Variants in POU6F1 observed in about 807,000 individuals in gnomAD.
POU6F1 encodes POU domain, class 6, transcription factor 1.
A neutral mutation model predicts 28.9 loss-of-function variants in POU6F1; 9 were observed. The ratio of observed to expected loss-of-function variants is 0.31; its 90% CI spans 0.19 to 0.54. POU6F1 has a LOEUF of 0.54. Ranked by LOEUF, POU6F1 falls within the 20% of genes least tolerant of loss-of-function variation. POU6F1 has a pLI of 0.94. For missense variants in POU6F1, 338 were observed against 426.1 expected (o/e 0.79, Z 1.82); for synonymous variants, 173 against 171.1 (o/e 1.01, Z -0.09).
chr12:51,191,451 A>C lies in POU6F1; in HGVS notation c.1490+145T>G, dbSNP rs1942400228. The C allele has an allele frequency of 4.2e-6, 4 of 963,754 alleles. No homozygotes were observed. In the South Asian group the frequency reaches 6.9e-5, roughly 17 times the overall value. The allele number at this position is 963,754 out of a possible 1,614,324, so 59.7% of individuals were successfully genotyped here. The stretch of plus-strand genomic sequence containing the variant: ...TTGACTGCCCCAGGTGTTCATATCT[A>C]CCCTTAAGATGGTCTTCCTTATCTG... On this transcript the variant is annotated intron_variant, in intron 10 of 10. Coordinates refer to ENST00000333640, the MANE Select transcript of POU6F1 (RefSeq NM_001330422.2).
At chr12:51,191,002 G>C (rs1448394590) in intron 10 of POU6F1, among the ~76,000 whole-genome samples, 1 of 152,176 alleles carries the variant, frequency 6.6e-6, no homozygotes, top group Admixed American at 6.5e-5. Flanking sequence ...GCTGGATGTG[G>C]TGACAGGATT....
chr12:51,211,233 C>T (rs1420197308), intron 1 of POU6F1, among the ~76,000 whole-genome samples: 1 of 152,170 alleles, frequency 6.6e-6, no homozygotes, highest in Admixed American at 6.5e-5. Flanking sequence ...AGCTCCTGTC[C>T]CCATCCCAGC....
At chr12:51,194,374 C>T (rs1444161883) in intron 8 of POU6F1, among the ~76,000 whole-genome samples, 2 of 152,098 alleles carry the variant, frequency 1.3e-5, no homozygotes, top group Non-Finnish European at 2.9e-5. Context: ...GGCACGGTGT[C>T]ACATGCCTGT....
At chr12:51,209,634 G>T (rs1565632501) in intron 1 of POU6F1, among the ~76,000 whole-genome samples, 2 of 152,138 alleles carry the variant, frequency 1.3e-5, no homozygotes, top group South Asian at 2.1e-4. Context: ...AATTCTTTGG[G>T]TATATACCTA....
intron 1 of POU6F1, among the ~76,000 whole-genome samples, chr12:51,215,890 T>C (rs1944262451): frequency 1.3e-5 from 2 of 152,204 alleles, no homozygotes; most frequent in South Asian, 2.1e-4. Context: ...ATTGATAATA[T>C]TTATGGAAGG....
At position 51,217,404 on chromosome 12, in the gene POU6F1, G is replaced by C. The variant is rs1220736679; in HGVS notation, c.-48+238C>G. Among the ~76,000 whole-genome samples the C allele has an allele frequency of 6.6e-6, 1 of 151,968 alleles. No homozygotes were observed. Among genetic ancestry groups the C allele is most frequent in the Admixed American group, 6.6e-5 (1 of 15,264 alleles). On this transcript the variant is annotated intron_variant, in intron 1 of 10. Coordinates refer to ENST00000333640, the MANE Select transcript of POU6F1 (RefSeq NM_001330422.2). The surrounding 1 kb of genome is among the most constrained non-coding windows in gnomAD (Gnocchi z 5.3). The stretch of plus-strand genomic sequence containing the variant: ...GAGCGGCCCGCGGGCGGGCGAGGGC[G>C]CGGCCCCCGGGTGTCTAGCCCCAGC...
intron 8 of POU6F1, among the ~76,000 whole-genome samples, chr12:51,195,041 T>G (rs1942717301): frequency 2.6e-5 from 4 of 152,242 alleles, no homozygotes; most frequent in Admixed American, 2.6e-4. Context: ...CAGGGGATTC[T>G]GATGCACAGG....
chr12:51,190,095 G>C lies in POU6F1; in HGVS notation c.*152C>G, dbSNP rs1004294467. ...TGTGAGATGTGTGGGAGAAAAGAGGGACATTGATGCACATGCACACGGTGG... is the reference window on the plus strand; with the variant it reads ...TGTGAGATGTGTGGGAGAAAAGAGGCACATTGATGCACATGCACACGGTGG... On this transcript the variant is annotated 3_prime_UTR_variant, in exon 11 of 11. Transcript: ENST00000333640. This position sits in a 1 kb window ranked among gnomAD's most constrained non-coding sequence, Gnocchi z 4.5. 30 of 1,327,416 alleles carry C rather than the reference G, an allele frequency of 2.3e-5. No individual in the cohort carries two copies. The highest frequency in any genetic ancestry group is 5.4e-5 in the Admixed American group (2 of 36,914). 82.2% of individuals were successfully genotyped at this position (1,327,416 alleles called of 1,614,324 possible).
In POU6F1 at chr12:51,214,149, T is replaced by A. The variant is rs545982059; in HGVS notation, c.-48+3493A>T. Among the ~76,000 whole-genome samples, 162 of 150,320 alleles carry A rather than the reference T, an allele frequency of 1.1e-3. 1 individual carries two copies. Among genetic ancestry groups the A allele is most frequent in the African/African-American group, 3.6e-3 (147 of 40,746 alleles). ...ACAGTGAGACTCTATGTCAAAAAAA[T>A]AAATAAATAAAAATAAATAAATAAA... On this transcript the variant is annotated intron_variant, in intron 1 of 10. Coordinates refer to ENST00000333640, the MANE Select transcript of POU6F1 (RefSeq NM_001330422.2).
At chr12:51,209,788 G>A (rs1427608400) in intron 1 of POU6F1, among the ~76,000 whole-genome samples, 1 of 152,142 alleles carries the variant, frequency 6.6e-6, no homozygotes, top group Non-Finnish European at 1.5e-5. Context: ...ATTCAAGAGA[G>A]GGCAAGCAAT....
chr12:51,191,843 G>C, intron 9 of POU6F1, 79 bp from the exon 10 acceptor site: 1 of 1,545,780 alleles, frequency 6.5e-7, no homozygotes, highest in Non-Finnish European at 8.9e-7. Context: ...GGTCTGAACT[G>C]ACGCAGTAGT....
chr12:51,197,288 A>C (rs968023039), intron 6 of POU6F1, among the ~76,000 whole-genome samples: 6 of 151,934 alleles, frequency 3.9e-5, no homozygotes, highest in African/African-American at 1.5e-4. Context: ...TCAGCAGGGA[A>C]GGGCAGGGCC....
At chr12:51,195,287 C>T (rs1050845681) in intron 8 of POU6F1, among the ~76,000 whole-genome samples, 1 of 152,198 alleles carries the variant, frequency 6.6e-6, no homozygotes, top group Non-Finnish European at 1.5e-5. Flanking sequence ...GTGAGCACCA[C>T]TACACCTGGC....
At chr12:51,191,107 C>T (rs150908852) in intron 10 of POU6F1, among the ~76,000 whole-genome samples, 9 of 152,318 alleles carry the variant, frequency 5.9e-5, no homozygotes, top group African/African-American at 1.4e-4. Flanking sequence ...CTGAGCCATG[C>T]GCTTATTCTT....
Position 51,190,328 on chromosome 12 carries a change from ACGGT to A in POU6F1, c.1751_1754del (p.Asp584ValfsTer3). On this transcript the variant is annotated frameshift_variant, in exon 11 of 11. Coordinates refer to ENST00000333640, the MANE Select transcript of POU6F1 (RefSeq NM_001330422.2). LOFTEE classifies it high-confidence loss of function. The surrounding 1 kb of genome is among the most constrained non-coding windows in gnomAD (Gnocchi z 4.5). ...TGCAGAACCAGACCCGCACTACCTC[ACGGT>A]CGTAGTTGAGCTCCTTAGCAATTTC... 1 of 1,614,074 alleles carries A rather than the reference ACGGT, an allele frequency of 6.2e-7. No individual in the cohort carries two copies. Among genetic ancestry groups the A allele is most frequent in the East Asian group, 2.2e-5 (1 of 44,864 alleles).
Position 51,196,124 on chromosome 12 carries a change from G to A in POU6F1, c.1025C>T (p.Pro342Leu). 6.3e-7 allele frequency: 1 copy of A among 1,577,814 alleles called. No homozygotes were observed. Among genetic ancestry groups the A allele is most frequent in the Non-Finnish European group, 8.6e-7 (1 of 1,163,986 alleles). Residue 342 changes from proline to leucine, a missense_variant, in exon 8 of 11, where the codon CCA (proline) becomes CTA (leucine). Transcript: ENST00000333640. ...WVVNSASVAA[P>L]APAQSLQVQA... ...GACCTGCAGGCTTTGGGCTGGTGCT[G>A]GGGCCGCCACACTAGCTGAGTTCAC...
At chr12:51,191,831 T>C in intron 9 of POU6F1, 67 bp from the exon 10 acceptor site, 1 of 1,584,788 alleles carries the variant, frequency 6.3e-7, no homozygotes, top group Non-Finnish European at 8.7e-7. Flanking sequence ...ATCTGGCTCA[T>C]TGGTCTGAAC....
chr12:51,217,877 C>A lies in POU6F1; in HGVS notation c.-283G>T, dbSNP rs551962182. ...CTGGGCAGAGCCGAAGGGGGCTCCG[C>A]AGGCTAAGCCGGGCGGAGAGGGGAC... On this transcript the variant is annotated 5_prime_UTR_variant, in exon 1 of 11. Transcript: ENST00000333640. This position sits in a 1 kb window ranked among gnomAD's most constrained non-coding sequence, Gnocchi z 5.3. Among the ~76,000 whole-genome samples, 612 of 151,922 alleles carry A rather than the reference C, an allele frequency of 4.0e-3. 3 individuals are homozygous for A. Among genetic ancestry groups the A allele is most frequent in the African/African-American group, 0.014 (581 of 41,480 alleles).
intron 1 of POU6F1, among the ~76,000 whole-genome samples, chr12:51,215,718 A>G (rs910225410): frequency 6.6e-6 from 1 of 151,966 alleles, no homozygotes; most frequent in African/African-American, 2.4e-5. Flanking sequence ...CTTCTGCCTC[A>G]TGAACCCTCA....
Sources: allele counts gnomAD v4.1 joint callset (sites outside exome capture counted in the v4.1 genomes callset), GRCh38; gene constraint gnomAD v4.1.1; non-coding constraint Gnocchi (gnomAD v3.1); transcripts MANE v1.5; gene names NCBI Gene and HGNC (gene_info 2026-07-23, HGNC 2026-07-21).